FHIT: variants seen among roughly 807,000 people sequenced by gnomAD.
FHIT encodes fragile histidine triad diadenosine triphosphatase.
A neutral mutation model predicts 17.9 loss-of-function variants in FHIT; 19 were observed. That is an observed-to-expected ratio of 1.06 (90% confidence interval 0.74 to 1.56). The LOEUF (loss-of-function observed/expected upper bound fraction) is 1.56, where lower values mean the gene tolerates loss of function less well. FHIT is among the 40% of genes most tolerant of loss of function. FHIT has a pLI of 0.00. For synonymous variants in FHIT, 81 were observed against 69.7 expected, an observed-to-expected ratio of 1.16 and a Z score of -0.81; for missense variants, 248 against 189.2, an observed-to-expected ratio of 1.31 and a Z score of -1.82.
At chr3:60,551,164 G>A (rs1242782886) in intron 4 of FHIT, among the ~76,000 whole-genome samples, 1 of 151,972 alleles carries the variant, frequency 6.6e-6, no homozygotes, top group African/African-American at 2.4e-5. Context: ...ACAGCAGGCA[G>A]CAAGGCAGAG....
At chr3:61,190,440 A>G (rs937277312) in intron 2 of FHIT, among the ~76,000 whole-genome samples, 26 of 152,106 alleles carry the variant, frequency 1.7e-4, no homozygotes, top group African/African-American at 3.6e-4. Flanking sequence ...AACAGGTGCT[A>G]GAGAGGATGT....
At chr3:60,913,152 G>T (rs1381796312) in intron 3 of FHIT, among the ~76,000 whole-genome samples, 2 of 152,222 alleles carry the variant, frequency 1.3e-5, no homozygotes, top group Non-Finnish European at 2.9e-5. Context: ...TCTGAGGAAA[G>T]CTAGACTTGA....
intron 5 of FHIT, among the ~76,000 whole-genome samples, chr3:60,365,973 G>T (rs2107027415): frequency 6.6e-6 from 1 of 152,240 alleles, no homozygotes; most frequent in African/African-American, 2.4e-5. Context: ...AAATCATTTT[G>T]CCTTCATTGA....
At chr3:60,921,027 T>G (rs1319852047) in intron 3 of FHIT, among the ~76,000 whole-genome samples, 4 of 152,172 alleles carry the variant, frequency 2.6e-5, no homozygotes, top group Admixed American at 6.5e-5. Context: ...ACTCATTCCG[T>G]AAGATATTTA....
chr3:60,200,708 G>C (rs1208852092), intron 5 of FHIT, among the ~76,000 whole-genome samples: 1 of 151,576 alleles, frequency 6.6e-6, no homozygotes, highest in African/African-American at 2.4e-5. Context: ...TTTTAATTAG[G>C]TTCCAAAAAT....
chr3:60,305,417 A>G (rs1437405580), intron 5 of FHIT, among the ~76,000 whole-genome samples: 4 of 152,086 alleles, frequency 2.6e-5, no homozygotes, highest in Non-Finnish European at 5.9e-5. Context: ...GAGATTCTCA[A>G]TAACAGCATT....
At chr3:59,776,998 AC>A (rs1375885244) in intron 8 of FHIT, among the ~76,000 whole-genome samples, 1 of 152,024 alleles carries the variant, frequency 6.6e-6, no homozygotes, top group Admixed American at 6.6e-5. Context: ...CTCCTCTCTG[AC>A]CTCATTTTGT....
chr3:60,982,305 G>A (rs768727426), intron 3 of FHIT, among the ~76,000 whole-genome samples: 11 of 152,194 alleles, frequency 7.2e-5, no homozygotes, highest in South Asian at 4.1e-4. Context: ...TGAGAAGCCT[G>A]GGTCAGAATT....
rs79009227 is a variant in FHIT, at chr3:59,755,311, C to A, written c.349-2990G>T. Among the ~76,000 whole-genome samples, 10 of 152,248 alleles carry A rather than the reference C, an allele frequency of 6.6e-5. No individual in the cohort carries two copies. The East Asian group carries it at 1.9e-3, about 29-fold the overall frequency. On this transcript the variant is annotated intron_variant, in intron 8 of 9. Coordinates refer to ENST00000492590, the MANE Select transcript of FHIT (RefSeq NM_002012.4). ...TTTTAATCTCTGCAGAAATAGGGAG[C>A]CTGGGAAAGGCCCTGGTGGGCAAGA...
intron 2 of FHIT, among the ~76,000 whole-genome samples, chr3:61,142,844 C>G (rs2037124271): frequency 6.6e-6 from 1 of 151,994 alleles, no homozygotes; most frequent in South Asian, 2.1e-4. Flanking sequence ...AGCTAGAAGT[C>G]TGACACATAG....
At chr3:60,382,397 G>C (rs79666684) in intron 5 of FHIT, among the ~76,000 whole-genome samples, 4,397 of 152,260 alleles carry the variant, frequency 0.029, 100 homozygotes, top group Middle Eastern at 0.065. Flanking sequence ...CATGAGCGAA[G>C]TGTTTTTCTT....
intron 3 of FHIT, among the ~76,000 whole-genome samples, chr3:61,014,807 A>ATTAT (rs1482200671): frequency 2.2e-4 from 11 of 49,116 alleles, no homozygotes; most frequent in African/African-American, 3.8e-4. Context: ...AAAAAAAAAA[A>ATTAT]ATATATATAT....
At chr3:60,225,580 G>C (rs528394384) in intron 5 of FHIT, among the ~76,000 whole-genome samples, 8 of 152,228 alleles carry the variant, frequency 5.3e-5, no homozygotes, top group African/African-American at 1.7e-4. Flanking sequence ...GCAGAATGGT[G>C]TGAGTAGGTT....
At chr3:60,643,471 C>G (rs782707763) in intron 4 of FHIT, among the ~76,000 whole-genome samples, 17 of 152,082 alleles carry the variant, frequency 1.1e-4, no homozygotes, top group Non-Finnish European at 2.1e-4. Context: ...AAGAACAAAT[C>G]TTAAGGCATA....
intron 5 of FHIT, among the ~76,000 whole-genome samples, chr3:60,105,772 C>T (rs1365723201): frequency 6.6e-6 from 1 of 151,608 alleles, no homozygotes; most frequent in Non-Finnish European, 1.5e-5. Flanking sequence ...AGTTGAAAGC[C>T]CATCATGAAG....
intron 8 of FHIT, among the ~76,000 whole-genome samples, chr3:59,761,624 C>T (rs997828117): frequency 8.1e-5 from 12 of 147,814 alleles, no homozygotes; most frequent in African/African-American, 2.5e-4. Context: ...TTTTTTTTTT[C>T]GAGATGGAGT....
chr3:59,774,922 G>C (rs983759137), intron 8 of FHIT, among the ~76,000 whole-genome samples: 1 of 152,102 alleles, frequency 6.6e-6, no homozygotes, highest in East Asian at 1.9e-4. Context: ...CTATAGACCA[G>C]CGACATCAGC....
intron 2 of FHIT, among the ~76,000 whole-genome samples, chr3:61,119,504 G>A (rs73112327): frequency 0.029 from 4,374 of 152,196 alleles, 222 homozygotes; most frequent in East Asian, 0.24. Flanking sequence ...ACAAGCCACC[G>A]TGCCCAGCCT....
chr3:59,869,249 C>T (rs1001816968), intron 8 of FHIT, among the ~76,000 whole-genome samples: 1 of 152,128 alleles, frequency 6.6e-6, no homozygotes, highest in Non-Finnish European at 1.5e-5. Flanking sequence ...ACAAGCTCAA[C>T]TAGTTTAGCT....
Sources: allele counts gnomAD v4.1 joint callset (sites outside exome capture counted in the v4.1 genomes callset), GRCh38; gene constraint gnomAD v4.1.1; transcripts MANE v1.5; gene names NCBI Gene and HGNC (gene_info 2026-07-23, HGNC 2026-07-21).